The following HS3ST4 variants were observed in gnomAD, a reference collection of about 807,000 sequenced individuals.
HS3ST4 encodes the protein heparan sulfate-glucosamine 3-sulfotransferase 4.
A neutral mutation model predicts 29.2 loss-of-function variants in HS3ST4; 17 were observed. The observed-to-expected ratio is 0.58, with a 90% confidence interval of 0.40 to 0.87. HS3ST4 has a LOEUF of 0.87. HS3ST4 is among the 40% of genes least tolerant of loss of function. The pLI is 0.00. For synonymous variants in HS3ST4, 314 were observed against 285.7 expected (o/e 1.10, Z -1.00); for missense variants, 627 against 634.5 (o/e 0.99, Z 0.13).
chr16:25,811,772 A>G (rs1967044886), intron 1 of HS3ST4, among the ~76,000 whole-genome samples: 1 of 152,166 alleles, frequency 6.6e-6, no homozygotes, highest in South Asian at 2.1e-4. Flanking sequence ...TATTGTAAGA[A>G]TACAATATAT....
chr16:25,982,010 G>A (rs1233302943), intron 1 of HS3ST4, among the ~76,000 whole-genome samples: 3 of 148,650 alleles, frequency 2.0e-5, no homozygotes, highest in Non-Finnish European at 4.5e-5. Context: ...AGCAGCATGT[G>A]TGTGTATATT....
chr16:25,762,896 A>G (rs1035119142), intron 1 of HS3ST4, among the ~76,000 whole-genome samples: 243 of 146,140 alleles, frequency 1.7e-3, no homozygotes, highest in Non-Finnish European at 2.9e-3. Context: ...AAAAAAAAAA[A>G]AAAGAAAAAA....
chr16:25,722,703 G>A lies in HS3ST4; in HGVS notation c.734+29552G>A, dbSNP rs180681210. Among the ~76,000 whole-genome samples, 42 of 152,278 alleles carry A rather than the reference G, an allele frequency of 2.8e-4. No homozygotes were observed. In the East Asian group the frequency reaches 7.3e-3, roughly 27 times the overall value. ...GCTCTGGAGCCAACTGCTTGGCTGT[G>A]GTTATTGACTGCATGACCTGCTGGC... On this transcript the variant is annotated intron_variant, in intron 1 of 1. Transcript: ENST00000331351.
chr16:25,699,683 C>T (rs1001278941), intron 1 of HS3ST4, among the ~76,000 whole-genome samples: 6 of 152,310 alleles, frequency 3.9e-5, no homozygotes, highest in Non-Finnish European at 7.3e-5. Context: ...GGTTCCAGAA[C>T]ACATTTCTGT....
chr16:25,924,416 G>A (rs1045003659), intron 1 of HS3ST4, among the ~76,000 whole-genome samples: 5 of 152,056 alleles, frequency 3.3e-5, no homozygotes, highest in African/African-American at 9.7e-5. Context: ...CCCCACATCC[G>A]GGGGACCTTT....
At chr16:25,925,393 G>C (rs1392475109) in intron 1 of HS3ST4, among the ~76,000 whole-genome samples, 1 of 152,068 alleles carries the variant, frequency 6.6e-6, no homozygotes, top group South Asian at 2.1e-4. Context: ...TTTGGCCTCA[G>C]CTTTCTCATC....
At chr16:26,103,830 A>G (rs1257364782) in intron 1 of HS3ST4, among the ~76,000 whole-genome samples, 6 of 152,192 alleles carry the variant, frequency 3.9e-5, no homozygotes, top group Admixed American at 1.3e-4. Flanking sequence ...GTTTTTATCA[A>G]TGTCACTAAA....
chr16:25,899,279 A>T (rs879690075), intron 1 of HS3ST4, among the ~76,000 whole-genome samples: 15 of 152,158 alleles, frequency 9.9e-5, no homozygotes, highest in Admixed American at 7.2e-4. Flanking sequence ...TGTTCCCCCC[A>T]TATCAGTTGG....
At chr16:25,941,540 G>T (rs1395162088) in intron 1 of HS3ST4, among the ~76,000 whole-genome samples, 2 of 151,700 alleles carry the variant, frequency 1.3e-5, no homozygotes, top group Admixed American at 6.6e-5. Flanking sequence ...TTGTTTTTTT[G>T]TTTGTTTTGT....
At chr16:25,998,816 A>G (rs1455255363) in intron 1 of HS3ST4, among the ~76,000 whole-genome samples, 2 of 152,054 alleles carry the variant, frequency 1.3e-5, no homozygotes, top group Non-Finnish European at 2.9e-5. Flanking sequence ...TCAAAATTTG[A>G]GAACTAGCAA....
At position 26,123,367 on chromosome 16, in the gene HS3ST4, A is replaced by G. The variant is rs560344589; in HGVS notation, c.735-12245A>G. Among the ~76,000 whole-genome samples, 3 of 152,332 alleles carry G rather than the reference A, an allele frequency of 2.0e-5. No individual in the cohort carries two copies. In the South Asian group the frequency reaches 6.2e-4, roughly 32 times the overall value. ...GCCACACACCTCTGTCAAGATGACG[A>G]TGCACCTGGCCAGCTTCCAAAAGAG... On this transcript the variant is annotated intron_variant, in intron 1 of 1. Coordinates refer to ENST00000331351, the MANE Select transcript of HS3ST4 (RefSeq NM_006040.3).
At chr16:25,850,053 G>A (rs1967502708) in intron 1 of HS3ST4, among the ~76,000 whole-genome samples, 1 of 146,336 alleles carries the variant, frequency 6.8e-6, no homozygotes, top group African/African-American at 2.5e-5. Flanking sequence ...AGGCTGGAGT[G>A]CAATGGTGTG....
chr16:26,107,753 T>C (rs572116276), intron 1 of HS3ST4, among the ~76,000 whole-genome samples: 1 of 152,210 alleles, frequency 6.6e-6, no homozygotes, highest in Non-Finnish European at 1.5e-5. Context: ...TAGTATTACA[T>C]GGTGTATAGG....
At chr16:25,999,276 T>C (rs555158731) in intron 1 of HS3ST4, among the ~76,000 whole-genome samples, 2 of 152,148 alleles carry the variant, frequency 1.3e-5, no homozygotes, top group South Asian at 4.1e-4. Context: ...TTCATCATTG[T>C]ATTTTTTAGC....
Position 25,902,798 on chromosome 16 carries a change from AAAC to A in HS3ST4, c.734+209651_734+209653del, listed in dbSNP as rs1968131939. ...AAAAACAAAAAAAACAGAACAAAAA[AAAC>A]AACGTCTGGCGGATGCCTGGGTGCA... On this transcript the variant is annotated intron_variant, in intron 1 of 1. Transcript: ENST00000331351. Among the ~76,000 whole-genome samples, 2 of 151,858 alleles carry A rather than the reference AAAC, an allele frequency of 1.3e-5. 1 individual carries two copies. Among genetic ancestry groups the A allele is most frequent in the Admixed American group, 1.3e-4 (2 of 15,252 alleles).
intron 1 of HS3ST4, among the ~76,000 whole-genome samples, chr16:26,077,916 A>T (rs891666249): frequency 4.6e-5 from 7 of 152,176 alleles, no homozygotes; most frequent in Non-Finnish European, 1.0e-4. Flanking sequence ...AGAAATAATT[A>T]AAAAAGAGAT....
intron 1 of HS3ST4, among the ~76,000 whole-genome samples, chr16:25,828,242 C>CTATCTTTCTTTCTT (rs1371928058): frequency 4.0e-5 from 3 of 75,016 alleles, no homozygotes; most frequent in East Asian, 3.7e-4. Context: ...TTCTTTCTTT[C>CTATCTTTCTTTCTT]TCTTTCTTTC....
At chr16:25,893,794 AAT>A (rs1968033695) in intron 1 of HS3ST4, among the ~76,000 whole-genome samples, 1 of 152,198 alleles carries the variant, frequency 6.6e-6, no homozygotes, top group Non-Finnish European at 1.5e-5. Flanking sequence ...AGGTGAAAAT[AAT>A]ATGTGTCCTC....
intron 1 of HS3ST4, among the ~76,000 whole-genome samples, chr16:25,703,607 A>G: frequency 6.6e-6 from 1 of 152,208 alleles, no homozygotes; most frequent in East Asian, 1.9e-4. Flanking sequence ...CATGGGAGTA[A>G]ATAATAAGCT....
Sources: gnomAD v4.1 joint callset for allele counts (sites outside exome capture counted in the v4.1 genomes callset) on GRCh38, gnomAD v4.1.1 for gene constraint, MANE v1.5 for transcripts, NCBI Gene and HGNC (gene_info 2026-07-23, HGNC 2026-07-21) for gene names.